The following WLS variants were observed in gnomAD, a reference collection of about 807,000 sequenced individuals.
The protein encoded by WLS is protein wntless homolog.
A neutral mutation model predicts 62.8 loss-of-function variants in WLS; 23 were observed. That is an observed-to-expected ratio of 0.37 (90% CI 0.26 to 0.52). The LOEUF (loss-of-function observed/expected upper bound fraction) is 0.52, where lower values mean the gene tolerates loss of function less well. WLS is among the 20% of genes least tolerant of loss of function. WLS has a pLI of 0.92. For missense variants in WLS, 615 were observed against 697.3 expected (o/e 0.88, Z 1.33); for synonymous variants, 246 against 244.1 (o/e 1.01, Z -0.07).
chr1:68,160,452 G>A (rs1646957461), intron 2 of WLS, among the ~76,000 whole-genome samples: 2 of 152,142 alleles, frequency 1.3e-5, no homozygotes, highest in South Asian at 2.1e-4. Flanking sequence ...CTTGAGTCTG[G>A]TTATGGAATA....
At chr1:68,128,847 A>ACATCTGTAATCCCGGCACTTT (rs1570843893) in intron 11 of WLS, among the ~76,000 whole-genome samples, 1 of 150,428 alleles carries the variant, frequency 6.6e-6, no homozygotes, top group East Asian at 2.3e-4. Flanking sequence ...AGGCACAGAG[A>ACATCTGTAATCCCGGCACTTT]GGCTAAGTAA....
intron 2 of WLS, among the ~76,000 whole-genome samples, chr1:68,173,860 G>A (rs1362850329): frequency 6.6e-6 from 1 of 152,016 alleles, no homozygotes; most frequent in East Asian, 1.9e-4. Flanking sequence ...GAGTCATGAC[G>A]TTTTTCTAGG....
intron 2 of WLS, among the ~76,000 whole-genome samples, chr1:68,193,417 A>C (rs995297383): frequency 2.3e-5 from 3 of 130,002 alleles, no homozygotes; most frequent in Admixed American, 7.4e-5. Context: ...AAAAAAAAAA[A>C]AAAAAAAAAA....
At chr1:68,162,134 G>A in intron 2 of WLS, 1 of 1,510,524 alleles carries the variant, frequency 6.6e-7, no homozygotes, top group South Asian at 1.1e-5. Flanking sequence ...GCAGTGTGAG[G>A]AGTGCAGATA....
At chr1:68,194,988 AAAC>A (rs779737257) in intron 1 of WLS, among the ~76,000 whole-genome samples, 1 of 152,252 alleles carries the variant, frequency 6.6e-6, no homozygotes, top group African/African-American at 2.4e-5. Flanking sequence ...TTTAAGTTCA[AAAC>A]AACATTTACC....
intron 11 of WLS, among the ~76,000 whole-genome samples, chr1:68,128,285 A>C (rs1180712220): frequency 6.6e-6 from 1 of 152,192 alleles, no homozygotes; most frequent in East Asian, 1.9e-4. Flanking sequence ...CTCCCAGGCC[A>C]ATAACTTGTA....
intron 11 of WLS, among the ~76,000 whole-genome samples, chr1:68,108,793 T>C (rs1367451): frequency 0.47 from 70,840 of 151,984 alleles, 16,800 homozygotes; most frequent in Middle Eastern, 0.53. Flanking sequence ...TCAAAGAACA[T>C]TAAAAAATTG....
intron 11 of WLS, among the ~76,000 whole-genome samples, chr1:68,132,589 C>A (rs76764686): frequency 0.016 from 2,397 of 152,262 alleles, 70 homozygotes; most frequent in African/African-American, 0.054. Context: ...AGACGCGGAA[C>A]CAGTGTTGCC....
chr1:68,178,294 C>T (rs1647347832), intron 2 of WLS, among the ~76,000 whole-genome samples: 1 of 152,168 alleles, frequency 6.6e-6, no homozygotes, highest in South Asian at 2.1e-4. Flanking sequence ...ATTCTCTCTC[C>T]ATGAATTAGA....
rs1490354675 is a variant in WLS at position 68,126,278 on chromosome 1, A to C, written c.1574T>G (p.Val525Gly). 6.2e-7 allele frequency: 1 copy of C among 1,612,488 alleles called. No individual in the cohort carries two copies. The highest frequency in any genetic ancestry group is 8.5e-7 in the Non-Finnish European group (1 of 1,179,508). ...CTTGTAGATCTCAGTGGGTCCGTCC[A>C]CATGGGTGATAGTGGTGGTGAGCTG... ...ELQLTTTITH[V>G]DGPTEIYKLT... The change falls in exon 12 of 12, where the codon GTG becomes GGG. Residue 525 changes from valine to glycine, a missense_variant. Val to Gly is a moderately radical substitution (Grantham distance 109). Coordinates refer to ENST00000262348, the MANE Select transcript of WLS (RefSeq NM_024911.7).
intron 1 of WLS, among the ~76,000 whole-genome samples, chr1:68,196,812 T>G (rs939414156): frequency 1.3e-5 from 2 of 152,112 alleles, no homozygotes; most frequent in African/African-American, 4.8e-5. Context: ...ACCTCACATC[T>G]AATCCATCTA....
chr1:68,202,927 G>A (rs1482035894), intron 1 of WLS: 1 of 152,036 alleles, frequency 6.6e-6, no homozygotes, highest in Non-Finnish European at 1.5e-5. Context: ...AGCTCACCAT[G>A]GGCACACATT....
intron 1 of WLS, among the ~76,000 whole-genome samples, chr1:68,216,939 C>A (rs1441906520): frequency 6.6e-6 from 1 of 152,164 alleles, no homozygotes; most frequent in African/African-American, 2.4e-5. Flanking sequence ...GTTGGTAGGG[C>A]TGTGCGTTTA....
intron 1 of WLS, among the ~76,000 whole-genome samples, chr1:68,212,832 TG>T: frequency 6.6e-6 from 1 of 152,302 alleles, no homozygotes; most frequent in East Asian, 1.9e-4. Flanking sequence ...AGCTGGCAAG[TG>T]GTAGATTCCC....
chr1:68,139,329 C>T (rs1646655440), intron 10 of WLS, among the ~76,000 whole-genome samples: 1 of 152,144 alleles, frequency 6.6e-6, no homozygotes, highest in Non-Finnish European at 1.5e-5. Flanking sequence ...CCAAATGTCG[C>T]TCTTCTTTAA....
intron 3 of WLS, among the ~76,000 whole-genome samples, chr1:68,155,907 G>A (rs577521344): frequency 3.3e-5 from 5 of 152,194 alleles, no homozygotes; most frequent in African/African-American, 9.6e-5. Context: ...TTCTGCCTCC[G>A]GTGCTTCCTA....
chr1:68,142,400 C>T (rs1473800950), intron 10 of WLS, among the ~76,000 whole-genome samples: 1 of 152,170 alleles, frequency 6.6e-6, no homozygotes, highest in Non-Finnish European at 1.5e-5. Flanking sequence ...TGCTCTGTGC[C>T]CTCTCAGCCT....
intron 3 of WLS, among the ~76,000 whole-genome samples, chr1:68,158,363 T>C (rs929062771): frequency 3.9e-5 from 6 of 152,202 alleles, no homozygotes; most frequent in Admixed American, 2.6e-4. Context: ...GGTTTACCCA[T>C]GGAGGGCCTT....
At position 68,203,166 on chromosome 1, in the gene WLS, A is replaced by T. The variant is rs1313810146; in HGVS notation, c.107-8939T>A. ...TGAATTGCAAAGAACTTTCACATAC[A>T]TAGATTATCGAATCCACCTAGTTAA... On this transcript the variant is annotated intron_variant, in intron 1 of 11. Coordinates refer to ENST00000262348, the MANE Select transcript of WLS (RefSeq NM_024911.7). Among the ~76,000 whole-genome samples, 3 of 152,260 alleles carry T rather than the reference A, an allele frequency of 2.0e-5. 1 individual carries two copies. The East Asian group carries it at 5.8e-4, about 29-fold the overall frequency.
Sources: gnomAD v4.1 joint callset for allele counts (sites outside exome capture counted in the v4.1 genomes callset) on GRCh38, gnomAD v4.1.1 for gene constraint, MANE v1.5 for transcripts, NCBI Gene and HGNC (gene_info 2026-07-23, HGNC 2026-07-21) for gene names.